The following CCDC187 variants were observed in gnomAD, a reference collection of about 807,000 sequenced individuals.
CCDC187 encodes coiled-coil domain containing 187.
Under a neutral mutation model 38.0 loss-of-function variants are expected in CCDC187, and 32 were observed. The observed-to-expected ratio is 0.84, with a 90% CI of 0.64 to 1.13. The LOEUF (loss-of-function observed/expected upper bound fraction) is 1.13. CCDC187 is among the 50% of genes most tolerant of loss of function. The pLI is 0.00. For missense variants in CCDC187, 707 were observed against 786.8 expected, an observed-to-expected ratio of 0.90 and a Z score of 1.21; for synonymous variants, 333 against 347.9, an observed-to-expected ratio of 0.96 and a Z score of 0.48.
chr9:136,267,516 A>G lies in CCDC187; in HGVS notation c.3520-5T>C, dbSNP rs1830768171. The G allele has an allele frequency of 1.0e-6, 1 of 985,666 alleles. No individual in the cohort carries two copies. Among genetic ancestry groups the G allele is most frequent in the Non-Finnish European group, 1.2e-6 (1 of 830,100 alleles). 61.1% of individuals were successfully genotyped at this position (985,666 alleles called of 1,614,324 possible). A position where few individuals can be genotyped will look rare whatever the true frequency, so the allele number is the denominator to read the frequency against. The stretch of plus-strand genomic sequence containing the variant: ...CCGCAGGCTCCGCTCCAGCATCTGC[A>G]GCTTGAAGCGGCCCAAGGCCCCTAA... On this transcript the variant is annotated splice_region_variant and splice_polypyrimidine_tract_variant and intron_variant, in intron 15 of 25. Transcript: ENST00000638797.
rs1554760001 is a variant in CCDC187 at position 136,254,361 on chromosome 9, C to T, written c.5467G>A (p.Gly1823Arg). The change falls in exon 26 of 26, where the codon GGG becomes AGG. Residue 1823 changes from glycine (G) to arginine (R), a missense_variant. Gly to Arg is a moderately radical substitution (Grantham distance 125). Coordinates refer to ENST00000638797, the MANE Select transcript of CCDC187 (RefSeq NM_001378188.1). ...GGCTCCATGCCGCTTCTGACACCCC[C>T]TTTCAGGCTCTCGCTGGTCCCAGAA... is the stretch of plus-strand genomic sequence containing the variant. ...EASGTSESLKGGVRSGMEPQV... is the reference protein window; with the variant it reads ...EASGTSESLKRGVRSGMEPQV... 1 of 983,860 alleles carries T rather than the reference C, an allele frequency of 1.0e-6. No homozygotes were observed. The highest frequency in any genetic ancestry group is 1.8e-5 in the African/African-American group (1 of 56,844). 60.9% of individuals were successfully genotyped at this position (983,860 alleles called of 1,614,324 possible).
chr9:136,297,974 G>A (rs988364564), intron 3 of CCDC187, among the ~76,000 whole-genome samples, 153 bp from the exon 4 acceptor site: 304 of 152,340 alleles, frequency 2.0e-3, no homozygotes, highest in African/African-American at 6.8e-3. Context: ...CGAGAGCCAG[G>A]GTGGGCAGCT....
At chr9:136,281,916 C>T (rs1286773392) in intron 9 of CCDC187, among the ~76,000 whole-genome samples, 2 of 152,162 alleles carry the variant, frequency 1.3e-5, no homozygotes, top group Non-Finnish European at 2.9e-5. Context: ...CCTGAGCATG[C>T]GTCCCAGCGT....
At chr9:136,262,075 G>A (rs898423453) in intron 19 of CCDC187, among the ~76,000 whole-genome samples, 4 of 152,252 alleles carry the variant, frequency 2.6e-5, no homozygotes, top group East Asian at 3.8e-4. Flanking sequence ...TTAATGAGGC[G>A]CTTTTGTTGC....
In CCDC187 at chr9:136,263,645, G is replaced by A; in HGVS notation, c.3889C>T (p.Gln1297Ter). Residue 1297 changes from glutamine (Q) to a stop codon, truncating the protein, a stop_gained, in exon 18 of 26, where the codon CAG becomes TAG. Coordinates refer to ENST00000638797, the MANE Select transcript of CCDC187 (RefSeq NM_001378188.1). LOFTEE classifies it high-confidence loss of function. ...PTDVVPAHEL[Q>*]AQAKLQQGSS... ...ACCTGCTGCAGCTTGGCCTGGGCCT[G>A]CAGCTCGTGCGCTGGGACGACGTCC... The A allele has an allele frequency of 2.0e-6, 2 of 985,472 alleles. No individual in the cohort carries two copies. The highest frequency in any genetic ancestry group is 1.2e-6 in the Non-Finnish European group (1 of 829,938). The allele number at this position is 985,472 out of a possible 1,614,324, so 61.0% of individuals were successfully genotyped here. A position where few individuals can be genotyped will look rare whatever the true frequency, so the allele number is the denominator to read the frequency against.
chr9:136,281,485 G>A, intron 10 of CCDC187, 66 bp downstream of exon 10: 1 of 398,680 alleles, frequency 2.5e-6, no homozygotes, highest in Non-Finnish European at 4.4e-6. Flanking sequence ...AGTGGAAGGT[G>A]TTCTCGGTGG....
Position 136,285,572 on chromosome 9 carries a change from T to A in CCDC187, c.2868A>T (p.Pro956=). 2.5e-6 allele frequency: 1 copy of A among 401,040 alleles called. No homozygotes were observed. Among genetic ancestry groups the A allele is most frequent in the Non-Finnish European group, 4.4e-6 (1 of 227,190 alleles). 24.8% of individuals were successfully genotyped at this position (401,040 alleles called of 1,614,324 possible). A position where few individuals can be genotyped will look rare whatever the true frequency, so the allele number is the denominator to read the frequency against. Residue 956 remains proline, a synonymous_variant, in exon 9 of 26, where the codon CCA becomes CCT. Transcript: ENST00000638797. ...FPEEGHVDVK[P]DKRLQRGVAP... ...CCACGCCTCTCTGCAGCCTTTTGTC[T>A]GGTTTCACGTCCACGTGTCCCTCCT... is the stretch of plus-strand genomic sequence containing the variant.
rs567103980 is a variant in CCDC187 at position 136,254,638 on chromosome 9, C to T, written c.5190G>A (p.Pro1730=). 4.5e-5 allele frequency: 44 copies of T among 985,524 alleles called. No individual in the cohort carries two copies. The South Asian group carries it at 8.5e-4, about 19-fold the overall frequency. 61.0% of individuals were successfully genotyped at this position (985,524 alleles called of 1,614,324 possible). A position where few individuals can be genotyped will look rare whatever the true frequency, so the allele number is the denominator to read the frequency against. ...GCCAGCCTGCCTTTGGGCTTTGCTC[C>T]GGCGCTGAAACTTCTGCCATGGCCG... ...LDTAMAEVSA[P]EQSPKAGWLL... Residue 1730 remains proline, a synonymous_variant, in exon 26 of 26, where the codon CCG becomes CCA. Coordinates refer to ENST00000638797, the MANE Select transcript of CCDC187 (RefSeq NM_001378188.1).
intron 19 of CCDC187, 24 bp downstream of exon 19, chr9:136,262,287 A>G: frequency 1.0e-6 from 1 of 985,394 alleles, no homozygotes; most frequent in East Asian, 1.1e-4. Context: ...CCGACCCCCG[A>G]CCCCCTAAGA....
intron 7 of CCDC187, among the ~76,000 whole-genome samples, chr9:136,289,578 C>CCCA (rs1831263946): frequency 6.6e-6 from 1 of 151,652 alleles, no homozygotes; most frequent in Admixed American, 6.6e-5. Context: ...AAGGAGACCC[C>CCCA]CATGGCTCCC....
chr9:136,266,000 C>T lies in CCDC187; in HGVS notation c.3691G>A (p.Val1231Ile), dbSNP rs1466025890. 4 of 985,414 alleles carry T rather than the reference C, an allele frequency of 4.1e-6. No individual in the cohort carries two copies. The East Asian group carries it at 4.5e-4, about 112-fold the overall frequency. The allele number at this position is 985,414 out of a possible 1,614,324, so 61.0% of individuals were successfully genotyped here. A position where few individuals can be genotyped will look rare whatever the true frequency, so the allele number is the denominator to read the frequency against. ...CTGAGGGCTTGCTGCTGCTTCTCAA[C>T]CAGCGCGGCCAGCACAGCTCTGTCC... is the stretch of plus-strand genomic sequence containing the variant. ...KRDRAVLAAL[V>I]EKQQQALSRL... Residue 1231 changes from valine (V) to isoleucine (I), a missense_variant, in exon 17 of 26, where the codon GTT becomes ATT. Physicochemically the swap from Val to Ile is conservative, Grantham distance 29. Transcript: ENST00000638797.
intron 10 of CCDC187, chr9:136,281,336 G>A (rs1027705221): frequency 2.5e-6 from 1 of 398,296 alleles, no homozygotes; most frequent in Non-Finnish European, 4.4e-6. Context: ...TCCACCGAGG[G>A]CCCATCACTG....
At chr9:136,271,691 T>C (rs1439435194) in intron 14 of CCDC187, among the ~76,000 whole-genome samples, 1 of 140,162 alleles carries the variant, frequency 7.1e-6, no homozygotes, top group African/African-American at 2.7e-5. Context: ...CACTGCAAGC[T>C]CCGCCTCCTG....
intron 16 of CCDC187, chr9:136,266,435 G>C (rs1425898880): frequency 6.6e-6 from 1 of 152,246 alleles, no homozygotes; most frequent in Non-Finnish European, 1.5e-5. Context: ...CAGACACCGG[G>C]TGAGGATGTT....
intron 9 of CCDC187, among the ~76,000 whole-genome samples, chr9:136,283,228 G>A (rs1450591151): frequency 1.3e-5 from 2 of 152,192 alleles, no homozygotes; most frequent in East Asian, 1.9e-4. Flanking sequence ...CAGCCTCGGC[G>A]ACAGAGCAAG....
At chr9:136,262,992 G>A (rs546284654) in intron 18 of CCDC187, among the ~76,000 whole-genome samples, 13 of 152,152 alleles carry the variant, frequency 8.5e-5, no homozygotes, top group African/African-American at 2.9e-4. Flanking sequence ...GGGTCCCTGA[G>A]GGGCTGGCCT....
chr9:136,292,383 G>T (rs1044970156), intron 4 of CCDC187, 88 bp from the exon 5 acceptor site: 2 of 397,692 alleles, frequency 5.0e-6, no homozygotes, highest in African/African-American at 2.1e-5. Context: ...CTCTGCAAGC[G>T]CCAGGAGGCC....
At chr9:136,255,596 C>A (rs1554760169) in intron 25 of CCDC187, 61 bp downstream of exon 25, 2 of 785,186 alleles carry the variant, frequency 2.5e-6, no homozygotes, top group East Asian at 1.3e-4. Flanking sequence ...GTAGAAATGG[C>A]TTGGGGGACC....
chr9:136,306,517 C>T (rs1407519952), upstream of CCDC187, among the ~76,000 whole-genome samples: 3 of 152,182 alleles, frequency 2.0e-5, no homozygotes, highest in African/African-American at 4.8e-5. Context: ...GTGCACCACG[C>T]GCCGTGGCAA....
Sources: gnomAD v4.1 joint callset for allele counts (sites outside exome capture counted in the v4.1 genomes callset) on GRCh38, gnomAD v4.1.1 for gene constraint, MANE v1.5 for transcripts, NCBI Gene and HGNC (gene_info 2026-07-23, HGNC 2026-07-21) for gene names.